Variants in GNAL observed in about 807,000 individuals in gnomAD.
The protein encoded by GNAL is G protein subunit alpha L.
Under a neutral mutation model 55.1 loss-of-function variants are expected in GNAL, and 18 were observed. The observed-to-expected ratio is 0.33, with a 90% CI of 0.23 to 0.48. The LOEUF is 0.48. Ranked by LOEUF, GNAL falls within the 20% of genes least tolerant of loss-of-function variation. The pLI is 0.99. For synonymous variants in GNAL, 253 were observed against 237.0 expected (o/e 1.07, Z -0.62); for missense variants, 412 against 614.1 (o/e 0.67, Z 3.48).
chr18:11,794,759 TAAAAAAAAAAAAAAA>T (rs775143875), intron 4 of GNAL, among the ~76,000 whole-genome samples: 9 of 90,364 alleles, frequency 1.0e-4, no homozygotes, highest in African/African-American at 3.7e-4. Flanking sequence ...ACACACAGGT[TAAAAAAAAAAAAAAA>T]AAAAAAAAAA....
chr18:11,856,755 G>A (rs1030595018), intron 5 of GNAL, among the ~76,000 whole-genome samples: 6 of 147,912 alleles, frequency 4.1e-5, no homozygotes, highest in African/African-American at 1.1e-4. Flanking sequence ...GTGAAACCCC[G>A]TCTCTACTAA....
intron 5 of GNAL, among the ~76,000 whole-genome samples, chr18:11,849,956 G>C (rs1219361994): frequency 3.3e-5 from 5 of 152,180 alleles, no homozygotes; most frequent in Non-Finnish European, 7.3e-5. Context: ...TATACACACA[G>C]ACCCCTTGCC....
intron 1 of GNAL, among the ~76,000 whole-genome samples, chr18:11,735,771 AGAG>A (rs2032447349): frequency 7.7e-6 from 1 of 129,342 alleles, no homozygotes; most frequent in East Asian, 2.1e-4. Context: ...AAAAAAAGAA[AGAG>A]AGAAAGAAAG....
intron 5 of GNAL, among the ~76,000 whole-genome samples, chr18:11,861,860 G>A (rs548378166): frequency 1.8e-4 from 27 of 151,888 alleles, no homozygotes; most frequent in African/African-American, 5.3e-4. Context: ...CACACTTTCC[G>A]CACATACTCT....
At chr18:11,710,825 G>C (rs1461850184) in intron 1 of GNAL, among the ~76,000 whole-genome samples, 1 of 152,092 alleles carries the variant, frequency 6.6e-6, no homozygotes, top group East Asian at 1.9e-4. Context: ...TCAAAAAATT[G>C]TCTTTGACTT....
chr18:11,829,720 C>T (rs541931000), intron 5 of GNAL, among the ~76,000 whole-genome samples: 1 of 152,110 alleles, frequency 6.6e-6, no homozygotes, highest in African/African-American at 2.4e-5. Context: ...ATAAAGTCAG[C>T]GCTCAGTCAA....
At chr18:11,869,174 C>T (rs919194745) in intron 9 of GNAL, among the ~76,000 whole-genome samples, 2 of 151,668 alleles carry the variant, frequency 1.3e-5, no homozygotes, top group East Asian at 1.9e-4. Flanking sequence ...GATAGAGTCT[C>T]GCTGTGTCAC....
rs569108619 is a variant in GNAL, at chr18:11,881,255, C to T, written c.*120C>T. 160 of 1,026,924 alleles carry T rather than the reference C, an allele frequency of 1.6e-4. No individual in the cohort carries two copies. The African/African-American group carries it at 2.1e-3, about 13-fold the overall frequency. 63.6% of individuals were successfully genotyped at this position (1,026,924 alleles called of 1,614,324 possible). ...CGCTGCCGTCTGTCCCGTTCTGTGT[C>T]GACCACCAAGCCTCTGGCTACCTCT... On this transcript the variant is annotated 3_prime_UTR_variant, in exon 12 of 12. Coordinates refer to ENST00000334049, the MANE Select transcript of GNAL (RefSeq NM_182978.4). This position sits in a 1 kb window ranked among gnomAD's most constrained non-coding sequence, Gnocchi z 4.8.
intron 1 of GNAL, among the ~76,000 whole-genome samples, chr18:11,738,400 C>T (rs1417552781): frequency 6.6e-6 from 1 of 151,928 alleles, no homozygotes; most frequent in Non-Finnish European, 1.5e-5. Flanking sequence ...GGACACCAAG[C>T]TCCCTGAGGG....
intron 1 of GNAL, among the ~76,000 whole-genome samples, chr18:11,726,874 G>A (rs114639339): frequency 0.011 from 1,593 of 151,536 alleles, 17 homozygotes; most frequent in African/African-American, 0.037. Context: ...CAGTGTTTAA[G>A]ACATAAAATC....
At chr18:11,873,930 C>G (rs1598446043) in intron 10 of GNAL, 1 of 152,910 alleles carries the variant, frequency 6.5e-6, no homozygotes, top group African/African-American at 2.4e-5. Context: ...GCCCTCACTC[C>G]TCTCGTCTCA....
chr18:11,793,052 A>C (rs1350408421), intron 4 of GNAL, among the ~76,000 whole-genome samples: 1 of 152,226 alleles, frequency 6.6e-6, no homozygotes, highest in Non-Finnish European at 1.5e-5. Context: ...TAAATATAGG[A>C]GCTAAGACTA....
At chr18:11,843,372 A>G (rs1158607829) in intron 5 of GNAL, among the ~76,000 whole-genome samples, 1 of 152,132 alleles carries the variant, frequency 6.6e-6, no homozygotes, top group African/African-American at 2.4e-5. Flanking sequence ...TAAAAATACA[A>G]AAATTAGCGG....
chr18:11,809,879 T>C (rs1406571770), intron 4 of GNAL, among the ~76,000 whole-genome samples: 1 of 152,262 alleles, frequency 6.6e-6, no homozygotes, highest in African/African-American at 2.4e-5. Flanking sequence ...TTGGACAATA[T>C]TCTTTCCCTT....
chr18:11,814,928 G>C (rs1212461794), intron 4 of GNAL, among the ~76,000 whole-genome samples: 1 of 151,338 alleles, frequency 6.6e-6, no homozygotes, highest in Non-Finnish European at 1.5e-5. Flanking sequence ...TGATTTCATA[G>C]AAGTAGAGAG....
chr18:11,851,061 A>AC (rs2035846420), intron 5 of GNAL, among the ~76,000 whole-genome samples: 1 of 152,194 alleles, frequency 6.6e-6, no homozygotes. Flanking sequence ...CTAGCCAGTC[A>AC]CCCTTTATAA....
intron 4 of GNAL, among the ~76,000 whole-genome samples, chr18:11,797,301 C>T (rs1040613211): frequency 6.6e-6 from 1 of 152,138 alleles, no homozygotes; most frequent in African/African-American, 2.4e-5. Context: ...TTTGGACTGA[C>T]TTAATTTTAA....
At chr18:11,796,125 C>G (rs989581688) in intron 4 of GNAL, among the ~76,000 whole-genome samples, 4 of 152,102 alleles carry the variant, frequency 2.6e-5, no homozygotes, top group Non-Finnish European at 5.9e-5. Context: ...ATACACAAAC[C>G]ACAAATTTAC....
In GNAL at chr18:11,884,590, C is replaced by T. The variant is rs762747959; in HGVS notation, c.*3455C>T. 5.6e-6 allele frequency: 9 copies of T among 1,613,802 alleles called. No individual in the cohort carries two copies. The highest frequency in any genetic ancestry group is 7.6e-6 in the Non-Finnish European group (9 of 1,180,040). On this transcript the variant is annotated 3_prime_UTR_variant, in exon 12 of 12. Coordinates refer to ENST00000334049, the MANE Select transcript of GNAL (RefSeq NM_182978.4). ...AACCACATCCTCACGTGGGAGGTAG[C>T]ACTTGGAGAGGGTGTAGTCTGTGGG...
Sources: gnomAD v4.1 joint callset for allele counts (sites outside exome capture counted in the v4.1 genomes callset) on GRCh38, gnomAD v4.1.1 for gene constraint, Gnocchi (gnomAD v3.1) non-coding constraint, MANE v1.5 for transcripts, NCBI Gene and HGNC (gene_info 2026-07-23, HGNC 2026-07-21) for gene names.